Variants in SNX9 observed in about 807,000 individuals in gnomAD.
SNX9 encodes the protein sorting nexin-9.
SNX9 carries 44 observed loss-of-function variants against 89.4 expected under a neutral mutation model. The ratio of observed to expected loss-of-function variants is 0.49; its 90% CI spans 0.39 to 0.63. The LOEUF (loss-of-function observed/expected upper bound fraction) is 0.63. SNX9 is among the 30% of genes least tolerant of loss of function. SNX9 has a pLI of 0.00. For synonymous variants in SNX9, 236 were observed against 247.8 expected, an observed-to-expected ratio of 0.95 and a Z score of 0.45; for missense variants, 578 against 736.1, an observed-to-expected ratio of 0.79 and a Z score of 2.49.
intron 3 of SNX9, 78 bp downstream of exon 3, chr6:157,873,254 G>C (rs1782452100): frequency 4.1e-6 from 5 of 1,219,614 alleles, no homozygotes; most frequent in Non-Finnish European, 5.5e-6. Context: ...CTTACAAGAA[G>C]TCAGCAACTT....
Position 157,935,987 on chromosome 6 carries a change from A to G in SNX9, c.1390A>G (p.Ile464Val), listed in dbSNP as rs1419698126. 6.2e-7 allele frequency: 1 copy of G among 1,612,966 alleles called. No individual in the cohort carries two copies. ...AGGTGAAACAGATCTCAATGATGCA[A>G]TAACAGAAGCAGGAAAGACTTATGA... ...YQGETDLNDA[I>V]TEAGKTYEEI... is the part of the protein sequence containing the mutation. The change falls in exon 14 of 18, where the codon ATA becomes GTA. Residue 464 changes from isoleucine to valine, a missense_variant. Physicochemically the swap from Ile to Val is conservative, Grantham distance 29 (BLOSUM62 3). This residue lies in a region of SNX9 where 348 missense variants were observed against 491.4 expected (regional missense o/e 0.71). Coordinates refer to ENST00000392185, the MANE Select transcript of SNX9 (RefSeq NM_016224.5).
chr6:157,852,104 C>G (rs1583199646), intron 1 of SNX9, among the ~76,000 whole-genome samples: 1 of 152,214 alleles, frequency 6.6e-6, no homozygotes, highest in East Asian at 1.9e-4. Flanking sequence ...GTATCTGAGT[C>G]CCTGCTTTCA....
rs140803873 is a variant in SNX9 at position 157,919,046 on chromosome 6, C to A, written c.950-2485C>A. Among the ~76,000 whole-genome samples, 1,040 of 152,166 alleles carry A rather than the reference C, an allele frequency of 6.8e-3. 9 individuals carry two copies. Among genetic ancestry groups the A allele is most frequent in the South Asian group, 0.014 (67 of 4,820 alleles). ...ATCTTTTACATTAATCCTTATATTTCCGGTGCTGCTTATTTGTCTCTGCAG... is the reference window on the plus strand; with the variant it reads ...ATCTTTTACATTAATCCTTATATTTACGGTGCTGCTTATTTGTCTCTGCAG... On this transcript the variant is annotated intron_variant, in intron 9 of 17. Coordinates refer to ENST00000392185, the MANE Select transcript of SNX9 (RefSeq NM_016224.5).
intron 10 of SNX9, among the ~76,000 whole-genome samples, chr6:157,925,877 G>A (rs1300257255): frequency 2.0e-5 from 3 of 150,936 alleles, no homozygotes; most frequent in East Asian, 1.9e-4. Flanking sequence ...TCACAGTTAC[G>A]GAGGCTGGAA....
intron 4 of SNX9, among the ~76,000 whole-genome samples, 187 bp from the exon 5 acceptor site, chr6:157,896,640 T>C (rs557514192): frequency 1.3e-5 from 2 of 152,380 alleles, no homozygotes; most frequent in South Asian, 4.1e-4. Context: ...ATTAGATTGA[T>C]GCTACCTTTT....
chr6:157,871,385 A>G (rs980304348), intron 2 of SNX9, among the ~76,000 whole-genome samples: 2 of 152,170 alleles, frequency 1.3e-5, no homozygotes, highest in African/African-American at 4.8e-5. Flanking sequence ...TGTCTCAAAA[A>G]AAAGAAAATC....
At chr6:157,939,153 A>T (rs1231801292) in intron 16 of SNX9, among the ~76,000 whole-genome samples, 1 of 152,018 alleles carries the variant, frequency 6.6e-6, no homozygotes, top group Non-Finnish European at 1.5e-5. Flanking sequence ...AGAAAAAAAA[A>T]AGATGAATTT....
At chr6:157,910,062 A>G in intron 9 of SNX9, 37 bp downstream of exon 9, 2 of 1,483,700 alleles carry the variant, frequency 1.3e-6, no homozygotes, top group Non-Finnish European at 1.9e-6. Flanking sequence ...GATGACAAAT[A>G]GAAAGACTCC....
chr6:157,840,060 G>A (rs1286524946), intron 1 of SNX9, among the ~76,000 whole-genome samples: 3 of 151,554 alleles, frequency 2.0e-5, no homozygotes, highest in Non-Finnish European at 4.4e-5. Flanking sequence ...GGGAAGGTGG[G>A]GGTGTCTTTG....
chr6:157,937,919 A>T (rs1423827426), intron 15 of SNX9, among the ~76,000 whole-genome samples: 1 of 152,240 alleles, frequency 6.6e-6, no homozygotes, highest in Non-Finnish European at 1.5e-5. Flanking sequence ...AAGGGGTACC[A>T]TAGGTAAATT....
At chr6:157,841,952 G>A (rs192595000) in intron 1 of SNX9, among the ~76,000 whole-genome samples, 178 of 152,194 alleles carry the variant, frequency 1.2e-3, no homozygotes, top group African/African-American at 3.2e-3. Context: ...CCTCCACAGT[G>A]ATCCTGGCCC....
intron 4 of SNX9, chr6:157,885,124 T>C (rs144904114): frequency 1.4e-4 from 22 of 152,348 alleles, no homozygotes; most frequent in African/African-American, 4.8e-4. Context: ...TTTTTAGTGT[T>C]TTAATTATCT....
chr6:157,941,043 T>C (rs1375701912), intron 17 of SNX9, 69 bp downstream of exon 17: 2 of 1,330,810 alleles, frequency 1.5e-6, no homozygotes, highest in Non-Finnish European at 2.2e-6. Context: ...ACTTTGACCA[T>C]GTAAAGTTAA....
intron 1 of SNX9, among the ~76,000 whole-genome samples, chr6:157,843,784 C>G (rs572233041): frequency 4.3e-4 from 65 of 151,138 alleles, no homozygotes; most frequent in Non-Finnish European, 8.8e-4. Context: ...TTTTTTGTTT[C>G]TTTTAGAAGA....
At chr6:157,858,437 G>T (rs145090700) in intron 1 of SNX9, among the ~76,000 whole-genome samples, 2 of 151,984 alleles carry the variant, frequency 1.3e-5, no homozygotes, top group African/African-American at 4.8e-5. Context: ...GGTCAGGCTG[G>T]TCTCAAACTC....
At chr6:157,855,691 T>TTGCTCA (rs1781996604) in intron 1 of SNX9, among the ~76,000 whole-genome samples, 1 of 152,202 alleles carries the variant, frequency 6.6e-6, no homozygotes, top group African/African-American at 2.4e-5. Context: ...CTTTAGTCTG[T>TTGCTCA]GTTATGAATT....
chr6:157,870,751 TCAGA>T (rs780672184), intron 2 of SNX9, among the ~76,000 whole-genome samples: 11 of 130,104 alleles, frequency 8.5e-5, no homozygotes, highest in Admixed American at 1.6e-4. Context: ...TGCACACCCC[TCAGA>T]CACTCACCTG....
intron 1 of SNX9, among the ~76,000 whole-genome samples, chr6:157,842,591 T>A (rs1295445188): frequency 6.6e-6 from 1 of 152,128 alleles, no homozygotes; most frequent in African/African-American, 2.4e-5. Context: ...AAAGATAATT[T>A]GGTGGGTAGG....
intron 4 of SNX9, among the ~76,000 whole-genome samples, chr6:157,888,015 G>A (rs1026146426): frequency 2.0e-5 from 3 of 152,278 alleles, no homozygotes; most frequent in African/African-American, 7.2e-5. Flanking sequence ...ACAAGATGCT[G>A]TATTGTAGGC....
Sources: gnomAD v4.1 joint callset for allele counts (sites outside exome capture counted in the v4.1 genomes callset) on GRCh38, gnomAD v4.1.1 for gene constraint, gnomAD v4.1.1 regional missense constraint, MANE v1.5 for transcripts, NCBI Gene and HGNC (gene_info 2026-07-23, HGNC 2026-07-21) for gene names.